PTK7: variants seen among roughly 807,000 people sequenced by gnomAD.
PTK7 encodes the protein inactive tyrosine-protein kinase 7.
PTK7 carries 39 observed loss-of-function variants against 116.6 expected under a neutral mutation model. That is an observed-to-expected ratio of 0.33 (90% CI 0.26 to 0.44). The LOEUF (loss-of-function observed/expected upper bound fraction) is 0.44, where lower values mean the gene tolerates loss of function less well. Ranked by LOEUF, PTK7 falls within the 20% of genes least tolerant of loss-of-function variation. The probability of loss-of-function intolerance (pLI) is 1.00; values close to 1 mark genes in which losing one functional copy is unlikely to be tolerated. For synonymous variants in PTK7, 546 were observed against 563.6 expected (o/e 0.97, Z 0.44); for missense variants, 1,169 against 1,425.6 (o/e 0.82, Z 2.90).
At chr6:43,100,667 A>C (rs1473390801) in intron 1 of PTK7, among the ~76,000 whole-genome samples, 1 of 152,154 alleles carries the variant, frequency 6.6e-6, no homozygotes, top group African/African-American at 2.4e-5. Context: ...AAAATACTGC[A>C]GATTGTGAAC....
At chr6:43,144,296 C>T (rs954466592) in intron 14 of PTK7, 155 bp from the exon 15 acceptor site, 8 of 862,200 alleles carry the variant, frequency 9.3e-6, no homozygotes, top group Non-Finnish European at 1.3e-5. Context: ...CAGCCCCAGC[C>T]CCATTATTTC....
chr6:43,157,364 A>ATATATATATTTTTTTTTT (rs70990168), intron 17 of PTK7, among the ~76,000 whole-genome samples: 3 of 54,362 alleles, frequency 5.5e-5, no homozygotes, highest in Admixed American at 2.4e-4. Context: ...ATATATATAT[A>ATATATATATTTTTTTTTT]TTTTTTTTTT....
At position 43,132,040 on chromosome 6, in the gene PTK7, A is replaced by G; in HGVS notation, c.837A>G (p.Thr279=). The G allele has an allele frequency of 6.2e-7, 1 of 1,614,022 alleles. No individual in the cohort carries two copies. Among genetic ancestry groups the G allele is most frequent in the South Asian group, 1.1e-5 (1 of 91,074 alleles). The change falls in exon 6 of 20, where the codon ACA becomes ACG. Residue 279 remains threonine, a synonymous_variant. Transcript: ENST00000230419. ...GCCCCCCACACCTCCGCAGAGCCAC[A>G]GTGTTTGCCAACGGGTCTCTGCTGC... ...RSRPPHLRRA[T]VFANGSLLLT... is the part of the protein sequence containing the mutation.
In PTK7 at chr6:43,129,767, G is replaced by A. The variant is rs368364305; in HGVS notation, c.408G>A (p.Ser136=). The change falls in exon 3 of 20, where the codon TCG becomes TCA. Residue 136 remains serine (S), a synonymous_variant. Coordinates refer to ENST00000230419, the MANE Select transcript of PTK7 (RefSeq NM_002821.5). The surrounding 1 kb of genome is among the most constrained non-coding windows in gnomAD (Gnocchi z 4.5). ...CTGTGGTCCTGAAGCATCCAGCCTC[G>A]GAAGCTGAGATCCAGCCACAGACCC... ...AGPVVLKHPA[S]EAEIQPQTQV... is the part of the protein sequence containing the mutation. The A allele has an allele frequency of 6.2e-6, 10 of 1,614,022 alleles. No homozygotes were observed. The highest frequency in any genetic ancestry group is 1.6e-4 in the Middle Eastern group (1 of 6,084).
intron 1 of PTK7, among the ~76,000 whole-genome samples, chr6:43,096,772 C>T (rs1767284693): frequency 6.6e-6 from 1 of 152,252 alleles, no homozygotes; most frequent in Admixed American, 6.5e-5. Context: ...CCTGCCTGAG[C>T]TGGGCTGTCA....
chr6:43,153,353 T>G (rs1180025304), intron 17 of PTK7, among the ~76,000 whole-genome samples: 1 of 151,884 alleles, frequency 6.6e-6, no homozygotes, highest in Non-Finnish European at 1.5e-5. Context: ...GACCTTGTGA[T>G]CTGCCTGCCT....
Position 43,101,814 on chromosome 6 carries a change from A to G in PTK7, c.79+25247A>G, listed in dbSNP as rs534004746. ...ATACTTGAAAATTAAATCTAACACT[A>G]TGATAAACGGTAATGTGCCATAAAC... On this transcript the variant is annotated intron_variant, in intron 1 of 19. Transcript: ENST00000230419. Among the ~76,000 whole-genome samples, 4 of 152,348 alleles carry G rather than the reference A, an allele frequency of 2.6e-5. No individual in the cohort carries two copies. The South Asian group carries it at 8.3e-4, about 32-fold the overall frequency.
intron 1 of PTK7, among the ~76,000 whole-genome samples, chr6:43,094,679 C>T (rs990586485): frequency 2.0e-5 from 3 of 151,728 alleles, no homozygotes; most frequent in Admixed American, 6.6e-5. Flanking sequence ...GGGGTTTCAG[C>T]GTGTTAGCCA....
At chr6:43,107,967 A>T (rs546401879) in intron 1 of PTK7, among the ~76,000 whole-genome samples, 31 of 152,382 alleles carry the variant, frequency 2.0e-4, no homozygotes, top group Admixed American at 1.6e-3. Flanking sequence ...TTAGGGTTTT[A>T]ACAGTTATTT....
intron 1 of PTK7, among the ~76,000 whole-genome samples, chr6:43,095,366 C>CT (rs1767190801): frequency 6.6e-6 from 1 of 152,146 alleles, no homozygotes; most frequent in African/African-American, 2.4e-5. Context: ...GAATGAAACT[C>CT]TGTCTTAAAC....
intron 1 of PTK7, among the ~76,000 whole-genome samples, chr6:43,106,351 A>G (rs1313366611): frequency 6.6e-6 from 1 of 151,998 alleles, no homozygotes; most frequent in Non-Finnish European, 1.5e-5. Flanking sequence ...TCGATTACCT[A>G]GGCTGGAGTG....
At chr6:43,080,314 T>C (rs1766307312) in intron 1 of PTK7, among the ~76,000 whole-genome samples, 1 of 152,056 alleles carries the variant, frequency 6.6e-6, no homozygotes, top group African/African-American at 2.4e-5. Context: ...ATTGCACCAC[T>C]GCACTCCAGC....
Position 43,084,053 on chromosome 6 carries a change from T to G in PTK7, c.79+7486T>G, listed in dbSNP as rs547842537. On this transcript the variant is annotated intron_variant, in intron 1 of 19. Coordinates refer to ENST00000230419, the MANE Select transcript of PTK7 (RefSeq NM_002821.5). ...AGGCCAGAAAATGCATTTTATTTAT[T>G]TGTTAGATTATGTTGCTGTTTTTGA... is the stretch of plus-strand genomic sequence containing the variant. Among the ~76,000 whole-genome samples, 121 of 152,304 alleles carry G rather than the reference T, an allele frequency of 7.9e-4. 1 individual carries two copies. The highest frequency in any genetic ancestry group is 2.8e-3 in the African/African-American group (117 of 41,554).
intron 1 of PTK7, among the ~76,000 whole-genome samples, chr6:43,125,223 G>A (rs1726640600): frequency 1.3e-5 from 2 of 152,336 alleles, no homozygotes; most frequent in Admixed American, 6.5e-5. Context: ...TCCCAGCCAA[G>A]CACTAACCAG....
chr6:43,089,625 G>C (rs1582066013), intron 1 of PTK7, among the ~76,000 whole-genome samples: 1 of 152,180 alleles, frequency 6.6e-6, no homozygotes, highest in East Asian at 1.9e-4. Flanking sequence ...TTGTTAAACT[G>C]ACCAATTAAA....
chr6:43,076,882 A>T lies in PTK7; in HGVS notation c.79+315A>T. ...CCGAGAGTTGCTGGCTCTCGGGCCC[A>T]GATGGGGAGTTTCTTGTCGGGGGAG... is the stretch of plus-strand genomic sequence containing the variant. On this transcript the variant is annotated intron_variant, in intron 1 of 19. Transcript: ENST00000230419. This position sits in a 1 kb window ranked among gnomAD's most constrained non-coding sequence, Gnocchi z 5.7. 1 of 1,498,472 alleles carries T rather than the reference A, an allele frequency of 6.7e-7. No homozygotes were observed. Among genetic ancestry groups the T allele is most frequent in the South Asian group, 1.2e-5 (1 of 81,762 alleles). The allele number at this position is 1,498,472 out of a possible 1,614,324, so 92.8% of individuals were successfully genotyped here.
intron 1 of PTK7, among the ~76,000 whole-genome samples, chr6:43,101,559 A>T (rs1180512430): frequency 6.6e-6 from 1 of 152,046 alleles, no homozygotes; most frequent in Admixed American, 6.6e-5. Context: ...CTCAAAAAAA[A>T]AAATAAAAAA....
intron 1 of PTK7, among the ~76,000 whole-genome samples, chr6:43,099,955 C>T (rs1350976941): frequency 6.6e-6 from 1 of 152,118 alleles, no homozygotes; most frequent in Non-Finnish European, 1.5e-5. Flanking sequence ...TGGCACGATT[C>T]TCCTGCCTCA....
At chr6:43,082,521 A>G (rs1766437014) in intron 1 of PTK7, among the ~76,000 whole-genome samples, 1 of 152,208 alleles carries the variant, frequency 6.6e-6, no homozygotes, top group Non-Finnish European at 1.5e-5. Flanking sequence ...TGTACCCCAG[A>G]GTTCCAGAAG....
Sources: gnomAD v4.1 joint callset for allele counts (sites outside exome capture counted in the v4.1 genomes callset) on GRCh38, gnomAD v4.1.1 for gene constraint, Gnocchi (gnomAD v3.1) non-coding constraint, MANE v1.5 for transcripts, NCBI Gene and HGNC (gene_info 2026-07-23, HGNC 2026-07-21) for gene names.